ZBTB20: variants seen among roughly 807,000 people sequenced by gnomAD.
ZBTB20 encodes the protein zinc finger and BTB domain containing 20.
Under a neutral mutation model 56.9 loss-of-function variants are expected in ZBTB20, and 9 were observed. That is an observed-to-expected ratio of 0.16 (90% confidence interval 0.10 to 0.28). The LOEUF (loss-of-function observed/expected upper bound fraction) is 0.28. Among genes scored for constraint, ZBTB20 ranks in the 10% least tolerant of loss-of-function variants. ZBTB20 has a pLI of 1.00. For synonymous variants in ZBTB20, 417 were observed against 420.7 expected (o/e 0.99, Z 0.11); for missense variants, 655 against 1,003.0 (o/e 0.65, Z 4.69).
intron 5 of ZBTB20, among the ~76,000 whole-genome samples, chr3:114,762,733 A>T (rs1234846247): frequency 6.6e-6 from 1 of 152,178 alleles, no homozygotes; most frequent in African/African-American, 2.4e-5. Context: ...GGCGTTCTAG[A>T]ATCTGTTTAT....
intron 3 of ZBTB20, among the ~76,000 whole-genome samples, chr3:114,908,848 G>A (rs1576296425): frequency 6.6e-6 from 1 of 151,736 alleles, no homozygotes; most frequent in East Asian, 1.9e-4. Flanking sequence ...GCTAAAGGGA[G>A]GATTACTGAA....
chr3:114,570,342 T>A (rs942703162), intron 6 of ZBTB20, among the ~76,000 whole-genome samples: 5 of 151,566 alleles, frequency 3.3e-5, no homozygotes, highest in African/African-American at 9.7e-5. Flanking sequence ...AATATTAAAT[T>A]CCATGCACTT....
At chr3:114,611,509 C>T (rs1053307652) in intron 6 of ZBTB20, among the ~76,000 whole-genome samples, 2 of 152,196 alleles carry the variant, frequency 1.3e-5, no homozygotes, top group African/African-American at 4.8e-5. Context: ...TGAGGGCTCA[C>T]TTCCCAACCT....
chr3:114,846,200 A>G (rs530764222), intron 4 of ZBTB20, among the ~76,000 whole-genome samples: 3 of 152,300 alleles, frequency 2.0e-5, no homozygotes, highest in South Asian at 4.1e-4. Flanking sequence ...TCAAAATGCA[A>G]TTCACTGGAA....
At chr3:114,882,939 T>C (rs545361455) in intron 4 of ZBTB20, among the ~76,000 whole-genome samples, 2 of 152,298 alleles carry the variant, frequency 1.3e-5, no homozygotes, top group South Asian at 2.1e-4. Context: ...GAAAGGTATA[T>C]ACATGGAAGT....
intron 2 of ZBTB20, among the ~76,000 whole-genome samples, chr3:115,057,514 T>TTAC (rs1369332333): frequency 6.6e-6 from 1 of 152,180 alleles, no homozygotes; most frequent in Non-Finnish European, 1.5e-5. Context: ...GTCAAACATC[T>TTAC]TACTACTATA....
At chr3:114,739,212 G>T (rs1247505581) in intron 5 of ZBTB20, among the ~76,000 whole-genome samples, 1 of 152,158 alleles carries the variant, frequency 6.6e-6, no homozygotes, top group Non-Finnish European at 1.5e-5. Flanking sequence ...CTAGGGATAT[G>T]GCCCTAGAAT....
At chr3:114,874,862 T>C (rs2076135167) in intron 4 of ZBTB20, among the ~76,000 whole-genome samples, 2 of 152,192 alleles carry the variant, frequency 1.3e-5, no homozygotes, top group Non-Finnish European at 2.9e-5. Flanking sequence ...ATACTCTGTT[T>C]CCTTCCCTCT....
At chr3:114,573,125 A>C (rs1380111511) in intron 6 of ZBTB20, among the ~76,000 whole-genome samples, 1 of 152,144 alleles carries the variant, frequency 6.6e-6, no homozygotes, top group Non-Finnish European at 1.5e-5. Context: ...ATGTGCTTTG[A>C]GTATGTTAAT....
intron 7 of ZBTB20, among the ~76,000 whole-genome samples, chr3:114,426,898 T>C (rs2089723399): frequency 6.6e-6 from 1 of 152,260 alleles, no homozygotes. Flanking sequence ...AGTTTATTTA[T>C]TGCCTTGCAA....
chr3:114,627,448 C>A (rs1169223510), intron 6 of ZBTB20, among the ~76,000 whole-genome samples: 1 of 152,150 alleles, frequency 6.6e-6, no homozygotes, highest in Non-Finnish European at 1.5e-5. Context: ...GGTTAATAGA[C>A]GATAATTCTT....
intron 10 of ZBTB20, among the ~76,000 whole-genome samples, chr3:114,371,925 C>CAA (rs1164378740): frequency 6.7e-5 from 8 of 119,176 alleles, no homozygotes; most frequent in African/African-American, 9.2e-5. Context: ...AAAAAGAAAG[C>CAA]AAAAAAAAAA....
At chr3:114,805,311 C>T (rs2072018527) in intron 4 of ZBTB20, among the ~76,000 whole-genome samples, 1 of 151,806 alleles carries the variant, frequency 6.6e-6, no homozygotes, top group African/African-American at 2.4e-5. Context: ...TTTTAATTGC[C>T]ATGTCTCCTC....
chr3:114,643,514 CAA>C (rs935408698), intron 6 of ZBTB20, among the ~76,000 whole-genome samples: 46 of 152,138 alleles, frequency 3.0e-4, no homozygotes, highest in Admixed American at 4.6e-4. Flanking sequence ...TGCATTTTGG[CAA>C]AGAGTGAAGC....
At chr3:114,455,818 G>C (rs1222725670) in intron 7 of ZBTB20, among the ~76,000 whole-genome samples, 2 of 152,106 alleles carry the variant, frequency 1.3e-5, no homozygotes, top group Non-Finnish European at 2.9e-5. Flanking sequence ...TAATCTTTGT[G>C]ACAAACAGAG....
rs1376613254 is a variant in ZBTB20, at chr3:114,336,175, A to G, written c.*2830T>C. The stretch of plus-strand genomic sequence containing the variant: ...TTTCATTTGTAACATGTATTGAGTG[A>G]TTTCATGTCATTGTCTCCTAGCTTT... On this transcript the variant is annotated 3_prime_UTR_variant, in exon 12 of 12. Transcript: ENST00000675478. 3 of 152,186 alleles carry G rather than the reference A, an allele frequency of 2.0e-5. No individual in the cohort carries two copies. The highest frequency in any genetic ancestry group is 4.4e-5 in the Non-Finnish European group (3 of 68,016). The allele number at this position is 152,186 out of a possible 1,614,324, so 9.4% of individuals were successfully genotyped here.
chr3:115,033,066 A>G (rs1289103329), intron 2 of ZBTB20, among the ~76,000 whole-genome samples: 2 of 151,192 alleles, frequency 1.3e-5, no homozygotes, highest in African/African-American at 4.8e-5. Flanking sequence ...AAAACCAATA[A>G]AACCAAAAGT....
Position 114,678,494 on chromosome 3 carries a change from T to G in ZBTB20, c.-295+15034A>C, listed in dbSNP as rs1014825907. Among the ~76,000 whole-genome samples, 5 of 152,154 alleles carry G rather than the reference T, an allele frequency of 3.3e-5. No homozygotes were observed. The South Asian group carries it at 1.0e-3, about 32-fold the overall frequency. On this transcript the variant is annotated intron_variant, in intron 6 of 11. Coordinates refer to ENST00000675478, the MANE Select transcript of ZBTB20 (RefSeq NM_001348800.3). ...CCACACTGAAGATATAGGTACCATT[T>G]TGACTGTGCTTTTGAACAATATATA...
intron 5 of ZBTB20, among the ~76,000 whole-genome samples, chr3:114,715,791 G>A (rs1398725670): frequency 6.6e-6 from 1 of 152,156 alleles, no homozygotes; most frequent in African/African-American, 2.4e-5. Context: ...GTGTGTGTGT[G>A]TTTTTAATTC....
Sources: allele counts gnomAD v4.1 joint callset (sites outside exome capture counted in the v4.1 genomes callset), GRCh38; gene constraint gnomAD v4.1.1; transcripts MANE v1.5; gene names NCBI Gene and HGNC (gene_info 2026-07-23, HGNC 2026-07-21).